Variants in SAMMSON observed in about 807,000 individuals in gnomAD.
SAMMSON encodes the protein long intergenic non-protein coding RNA 1212.
chr3:70,324,726 A>G (rs555282418), intron 7 of SAMMSON, among the ~76,000 whole-genome samples: 6 of 152,130 alleles, frequency 3.9e-5, no homozygotes, highest in Non-Finnish European at 8.8e-5. Flanking sequence ...TGTGCAGTGT[A>G]ATTCATTCCA....
chr3:70,161,124 C>A (rs2067613720), intron 4 of SAMMSON, among the ~76,000 whole-genome samples: 1 of 151,880 alleles, frequency 6.6e-6, no homozygotes, highest in Non-Finnish European at 1.5e-5. Context: ...ATTTTATCTC[C>A]TTTTTTCCAG....
At chr3:70,314,629 G>T (rs761400150) in intron 7 of SAMMSON, among the ~76,000 whole-genome samples, 1 of 152,112 alleles carries the variant, frequency 6.6e-6, no homozygotes, top group Admixed American at 6.6e-5. Context: ...GAGAGAATGA[G>T]CCAGGGACAC....
At chr3:70,338,227 C>T (rs1397617499) in intron 7 of SAMMSON, among the ~76,000 whole-genome samples, 1 of 151,948 alleles carries the variant, frequency 6.6e-6, no homozygotes, top group East Asian at 1.9e-4. Context: ...CCTATTTTCT[C>T]ATAATCATAA....
chr3:70,102,650 C>A (rs1334675244), intron 4 of SAMMSON, among the ~76,000 whole-genome samples: 2 of 152,150 alleles, frequency 1.3e-5, no homozygotes, highest in Non-Finnish European at 2.9e-5. Flanking sequence ...CATCACTGAT[C>A]TTGTACGAAC....
chr3:70,425,107 G>GAC (rs1701348334), intron 2 of SAMMSON: 1 of 152,064 alleles, frequency 6.6e-6, no homozygotes, highest in African/African-American at 2.4e-5. Flanking sequence ...GACTTAACAG[G>GAC]GCACTATACT....
intron 2 of SAMMSON, among the ~76,000 whole-genome samples, chr3:70,397,481 T>C (rs1407288852): frequency 6.6e-6 from 1 of 152,138 alleles, no homozygotes; most frequent in Non-Finnish European, 1.5e-5. Context: ...TTTTGTAATA[T>C]TCTGTAGAAA....
At chr3:70,116,292 C>CTTTTTTTTTTTT (rs57252778) in intron 4 of SAMMSON, among the ~76,000 whole-genome samples, 10 of 118,198 alleles carry the variant, frequency 8.5e-5, no homozygotes, top group Non-Finnish European at 1.4e-4. Context: ...GCGATGCTTT[C>CTTTTTTTTTTTT]TTTTTTTTTT....
intron 4 of SAMMSON, among the ~76,000 whole-genome samples, chr3:70,116,454 G>T (rs768520573): frequency 5.3e-5 from 8 of 151,692 alleles, no homozygotes; most frequent in Non-Finnish European, 1.2e-4. Flanking sequence ...GCAAGATTCC[G>T]CAATGCAAAG....
chr3:70,192,184 C>T (rs546336829), intron 4 of SAMMSON, among the ~76,000 whole-genome samples: 10 of 152,158 alleles, frequency 6.6e-5, no homozygotes, highest in South Asian at 2.1e-4. Flanking sequence ...GCCCTAACAG[C>T]GATATATGGA....
intron 4 of SAMMSON, chr3:70,197,034 A>G (rs954461467): frequency 5.0e-6 from 2 of 398,504 alleles, no homozygotes; most frequent in African/African-American, 4.1e-5. Context: ...AGCTGCAATC[A>G]TTCCGAGAGT....
chr3:70,293,576 C>T (rs974619552), intron 7 of SAMMSON, among the ~76,000 whole-genome samples: 1 of 151,984 alleles, frequency 6.6e-6, no homozygotes, highest in Non-Finnish European at 1.5e-5. Flanking sequence ...AACATCTGTG[C>T]CTTACTTGGG....
chr3:70,391,667 A>G (rs1701050147), downstream of SAMMSON, among the ~76,000 whole-genome samples: 1 of 152,146 alleles, frequency 6.6e-6, no homozygotes, highest in Non-Finnish European at 1.5e-5. Context: ...TCCTTCTATG[A>G]AAGGGAGGTG....
intron 4 of SAMMSON, among the ~76,000 whole-genome samples, chr3:70,181,604 T>C (rs1701053667): frequency 6.6e-6 from 1 of 152,192 alleles, no homozygotes; most frequent in African/African-American, 2.4e-5. Flanking sequence ...TGCATGGGAA[T>C]AAATACACCA....
chr3:70,015,965 G>A (rs1172732448), intron 3 of SAMMSON, among the ~76,000 whole-genome samples: 1 of 152,286 alleles, frequency 6.6e-6, no homozygotes, highest in Admixed American at 6.5e-5. Context: ...GTCTGTCATT[G>A]ATGGACATTT....
At chr3:70,167,001 A>G (rs2067639981) in intron 4 of SAMMSON, among the ~76,000 whole-genome samples, 1 of 152,046 alleles carries the variant, frequency 6.6e-6, no homozygotes, top group Admixed American at 6.6e-5. Flanking sequence ...TACACAAGTA[A>G]TCTAAAATTT....
At chr3:70,228,806 A>T (rs938486198) in intron 4 of SAMMSON, among the ~76,000 whole-genome samples, 1 of 151,428 alleles carries the variant, frequency 6.6e-6, no homozygotes, top group Non-Finnish European at 1.5e-5. Flanking sequence ...ACCTATTAAG[A>T]TGGATAGCTG....
chr3:70,339,590 G>A (rs544263917), intron 7 of SAMMSON, among the ~76,000 whole-genome samples: 15 of 152,182 alleles, frequency 9.9e-5, no homozygotes, highest in South Asian at 4.1e-4. Flanking sequence ...GCAAGTGGGC[G>A]AAGGATATGA....
At chr3:70,052,393 CCT>C (rs963470617) in intron 3 of SAMMSON, among the ~76,000 whole-genome samples, 2 of 152,070 alleles carry the variant, frequency 1.3e-5, no homozygotes, top group African/African-American at 4.8e-5. Context: ...TCTTCTCTCC[CCT>C]GTTACCTCAG....
intron 3 of SAMMSON, among the ~76,000 whole-genome samples, chr3:70,047,399 T>A (rs1482572313): frequency 6.7e-6 from 1 of 150,346 alleles, no homozygotes; most frequent in Non-Finnish European, 1.5e-5. Flanking sequence ...TATAACAGTG[T>A]GATCTCGGCT....
Sources: gnomAD v4.1 joint callset for allele counts (sites outside exome capture counted in the v4.1 genomes callset) on GRCh38, gnomAD v4.1.1 for gene constraint, MANE v1.5 for transcripts, NCBI Gene and HGNC (gene_info 2026-07-23, HGNC 2026-07-21) for gene names.